ITGAM: variants seen among roughly 807,000 people sequenced by gnomAD.
ITGAM encodes integrin subunit alpha M, also known as integrin alpha-M.
ITGAM carries 79 observed loss-of-function variants against 137.5 expected under a neutral mutation model. That is an observed-to-expected ratio of 0.57 (90% CI 0.48 to 0.69). ITGAM has a LOEUF of 0.69. Ranked by LOEUF, ITGAM falls within the 30% of genes least tolerant of loss-of-function variation. The pLI, the probability that ITGAM is intolerant of heterozygous loss-of-function variation, is 0.00. For synonymous variants in ITGAM, 583 were observed against 592.3 expected (o/e 0.98, Z 0.23); for missense variants, 1,343 against 1,483.5 (o/e 0.91, Z 1.56).
At position 31,324,873 on chromosome 16, in the gene ITGAM, A is replaced by G. The variant is rs1343234472; in HGVS notation, c.2290-85A>G. 2.6e-6 allele frequency: 4 copies of G among 1,552,648 alleles called. No homozygotes were observed. In the Admixed American group the frequency reaches 7.6e-5, roughly 29 times the overall value. On this transcript the variant is annotated intron_variant, in intron 18 of 29. Transcript: ENST00000544665. The surrounding 1 kb of genome is among the most constrained non-coding windows in gnomAD (Gnocchi z 4.5). ...ATTTTATTTGATTGCATCTAATTTTACTTCAACATTTGATTTTATTGTTTA... is the reference window on the plus strand; with the variant it reads ...ATTTTATTTGATTGCATCTAATTTTGCTTCAACATTTGATTTTATTGTTTA...
intron 7 of ITGAM, among the ~76,000 whole-genome samples, chr16:31,272,451 A>T (rs1393929272): frequency 1.6e-4 from 2 of 12,524 alleles, no homozygotes; most frequent in African/African-American, 7.8e-4. Context: ...ATATATATAT[A>T]TATATATATA....
intron 12 of ITGAM, among the ~76,000 whole-genome samples, chr16:31,292,667 G>T (rs2080098384): frequency 6.6e-6 from 1 of 151,998 alleles, no homozygotes; most frequent in Non-Finnish European, 1.5e-5. Context: ...ATTTGTTATT[G>T]GTGGGCATTT....
chr16:31,269,916 C>A (rs1009083401), intron 5 of ITGAM, among the ~76,000 whole-genome samples: 1 of 152,190 alleles, frequency 6.6e-6, no homozygotes, highest in African/African-American at 2.4e-5. Context: ...CAATGGGAAT[C>A]CAGAGGGCAA....
intron 8 of ITGAM, 148 bp from the exon 9 acceptor site, chr16:31,275,401 C>T (rs1461994226): frequency 4.9e-6 from 4 of 817,036 alleles, no homozygotes; most frequent in Non-Finnish European, 7.7e-6. Flanking sequence ...ACCTGCCCAA[C>T]TATACCTGGC....
intron 24 of ITGAM, 137 bp downstream of exon 24, chr16:31,329,440 C>G: frequency 1.4e-6 from 1 of 706,458 alleles, no homozygotes; most frequent in South Asian, 1.6e-5. Context: ...TGCTATCACT[C>G]AGTATGCACA....
At chr16:31,277,177 G>A in intron 11 of ITGAM, 128 bp downstream of exon 11, 3 of 816,384 alleles carry the variant, frequency 3.7e-6, no homozygotes, top group Non-Finnish European at 5.3e-6. Flanking sequence ...AGTCTCTTGG[G>A]ATAGCTTTAA....
intron 1 of ITGAM, among the ~76,000 whole-genome samples, chr16:31,260,308 CA>C (rs2079684831): frequency 6.6e-6 from 1 of 152,132 alleles, no homozygotes; most frequent in East Asian, 1.9e-4. Flanking sequence ...ATGGACTGTG[CA>C]AGGCTGCTTG....
intron 8 of ITGAM, chr16:31,273,754 C>A: frequency 2.5e-6 from 1 of 395,294 alleles, no homozygotes. Flanking sequence ...GTTCTGGTCT[C>A]AATGGCCTTC....
chr16:31,325,066 A>T, intron 19 of ITGAM, 35 bp downstream of exon 19: 2 of 1,578,034 alleles, frequency 1.3e-6, no homozygotes, highest in South Asian at 2.2e-5. Context: ...CCTCCAGAGA[A>T]GGACCCGTAC....
chr16:31,281,860 G>GC (rs2079973007), intron 12 of ITGAM, among the ~76,000 whole-genome samples: 1 of 152,166 alleles, frequency 6.6e-6, no homozygotes, highest in Non-Finnish European at 1.5e-5. Flanking sequence ...GGCATTTAGT[G>GC]CTATAAATTT....
intron 22 of ITGAM, 104 bp downstream of exon 22, chr16:31,327,039 T>C (rs1427657928): frequency 9.3e-6 from 8 of 863,850 alleles, no homozygotes; most frequent in Non-Finnish European, 1.6e-5. Context: ...TCCCTTCAAC[T>C]CATTTGTTCA....
intron 14 of ITGAM, among the ~76,000 whole-genome samples, chr16:31,315,862 C>T (rs1597029407): frequency 2.6e-5 from 4 of 152,072 alleles, no homozygotes; most frequent in South Asian, 4.1e-4. Context: ...AAAGACTGTC[C>T]TTTCCCCATT....
chr16:31,297,803 G>T lies in ITGAM; in HGVS notation c.1556G>T (p.Arg519Leu), dbSNP rs370878031. 1 of 1,609,656 alleles carries T rather than the reference G, an allele frequency of 6.2e-7. No homozygotes were observed. Among genetic ancestry groups the T allele is most frequent in the Admixed American group, 1.7e-5 (1 of 58,326 alleles). Reference sequence around the variant, plus strand: ...GGGGAGCAGGGCCAACCCTGGGGCCGCTTTGGGGCAGCCCTAACAGTGCTG... The same window carrying T: ...GGGGAGCAGGGCCAACCCTGGGGCCTCTTTGGGGCAGCCCTAACAGTGCTG... ...LYGEQGQPWG[R>L]FGAALTVLGD... The change falls in exon 14 of 30, where the codon CGC becomes CTC. Residue 519 changes from arginine to leucine, a missense_variant. Arg to Leu is a moderately radical substitution (Grantham distance 102, BLOSUM62 -2). Coordinates refer to ENST00000544665, the MANE Select transcript of ITGAM (RefSeq NM_000632.4).
chr16:31,331,684 C>T lies in ITGAM; in HGVS notation c.3436C>T (p.Pro1146Ser), dbSNP rs1143678. Reference protein sequence around the residue: ...QYKDMMSEGGPPGAEPQ With the variant: ...QYKDMMSEGGSPGAEPQ ...CAAGGACATGATGAGTGAAGGGGGT[C>T]CCCCGGGGGCCGAACCCCAGTAGCG... The change falls in exon 30 of 30, where the codon CCC (proline) becomes TCC (serine). Residue 1146 changes from proline to serine, a missense_variant. Physicochemically the swap from Pro to Ser is moderately conservative, Grantham distance 74. Transcript: ENST00000544665. 0.15 allele frequency: 247,761 copies of T among 1,606,686 alleles called. 20,752 individuals are homozygous for T. The highest frequency in any genetic ancestry group is 0.25 in the Middle Eastern group (1,520 of 6,042).
Position 31,321,560 on chromosome 16 carries a change from C to T in ITGAM, c.1935C>T (p.Gly645=). The change falls in exon 16 of 30, where the codon GGC becomes GGT. Residue 645 remains glycine (G), a synonymous_variant. Coordinates refer to ENST00000544665, the MANE Select transcript of ITGAM (RefSeq NM_000632.4). ...AGTGTAATGATCAGGTGGTGAAAGG[C>T]AAGGAAGCCGGAGAGGTCAGAGTCT... ...VFECNDQVVK[G]KEAGEVRVCL... 6.2e-7 allele frequency: 1 copy of T among 1,613,954 alleles called. No homozygotes were observed. Among genetic ancestry groups the T allele is most frequent in the Non-Finnish European group, 8.5e-7 (1 of 1,179,896 alleles).
At chr16:31,309,642 G>A (rs550844275) in intron 14 of ITGAM, among the ~76,000 whole-genome samples, 2 of 152,276 alleles carry the variant, frequency 1.3e-5, no homozygotes, top group South Asian at 2.1e-4. Flanking sequence ...GGAACATTAA[G>A]CCCATTTACA....
chr16:31,261,569 G>T, intron 1 of ITGAM, 123 bp from the exon 2 acceptor site: 1 of 586,364 alleles, frequency 1.7e-6, no homozygotes. Context: ...TCAGGCTGGA[G>T]TGCAGTGGCA....
In ITGAM at chr16:31,330,539, T is replaced by C. The variant is rs994491024; in HGVS notation, c.3210T>C (p.Ala1070=). 6.2e-7 allele frequency: 1 copy of C among 1,613,254 alleles called. No homozygotes were observed. ...ACCACCTCCTGATCGTGAGCACAGC[T>C]GAGATCTTGTTTAACGATTCCGTGT... ...SHNHLLIVST[A]EILFNDSVFT... Residue 1070 remains alanine (A), a synonymous_variant, in exon 28 of 30, where the codon GCT becomes GCC. Transcript: ENST00000544665.
chr16:31,264,728 A>T (rs2079744326), intron 2 of ITGAM, among the ~76,000 whole-genome samples: 1 of 151,970 alleles, frequency 6.6e-6, no homozygotes, highest in Admixed American at 6.6e-5. Flanking sequence ...TTTTGTAGAG[A>T]TGGGGTCTGG....
Sources: gnomAD v4.1 joint callset for allele counts (sites outside exome capture counted in the v4.1 genomes callset) on GRCh38, gnomAD v4.1.1 for gene constraint, Gnocchi (gnomAD v3.1) non-coding constraint, MANE v1.5 for transcripts, NCBI Gene and HGNC (gene_info 2026-07-23, HGNC 2026-07-21) for gene names.